The following PHF24 variants were observed in gnomAD, a reference collection of about 807,000 sequenced individuals.
The protein encoded by PHF24 is Galpha inhibitory interacting protein.
A neutral mutation model predicts 42.6 loss-of-function variants in PHF24; 25 were observed. That is an observed-to-expected ratio of 0.59 (90% CI 0.43 to 0.82). PHF24 has a LOEUF of 0.82. PHF24 is among the 40% of genes least tolerant of loss of function. The pLI is 0.00. For missense variants in PHF24, 470 were observed against 538.1 expected, an observed-to-expected ratio of 0.87 and a Z score of 1.25; for synonymous variants, 185 against 204.8, an observed-to-expected ratio of 0.90 and a Z score of 0.83.
At chr9:34,750,786 A>T in the PHF24 span, among the ~76,000 whole-genome samples, 1 of 152,116 alleles carries the variant, frequency 6.6e-6, no homozygotes, top group Non-Finnish European at 1.5e-5. Flanking sequence ...AAGAAGGGAA[A>T]AAAGGAAGAC....
At chr9:34,791,671 T>C in the PHF24 span, among the ~76,000 whole-genome samples, 1 of 151,842 alleles carries the variant, frequency 6.6e-6, no homozygotes, top group African/African-American at 2.4e-5. Context: ...GAGCAGTTGA[T>C]AGAGAAAGAA....
chr9:34,765,850 T>C, the PHF24 span, among the ~76,000 whole-genome samples: 700 of 152,186 alleles, frequency 4.6e-3, 9 homozygotes, highest in African/African-American at 0.016. Context: ...GGTTGTTCCT[T>C]TCCATGTTTA....
intron 1 of PHF24, among the ~76,000 whole-genome samples, chr9:34,969,081 GA>G (rs902114464): frequency 6.6e-6 from 1 of 152,158 alleles, no homozygotes; most frequent in African/African-American, 2.4e-5. Flanking sequence ...AATAAAGACT[GA>G]AATAAGGCCA....
At chr9:34,899,591 C>A in the PHF24 span, among the ~76,000 whole-genome samples, 1 of 152,190 alleles carries the variant, frequency 6.6e-6, no homozygotes, top group Non-Finnish European at 1.5e-5. Context: ...TATAGATGAG[C>A]ACGTTCATTA....
At chr9:34,943,245 T>C in the PHF24 span, among the ~76,000 whole-genome samples, 1,924 of 152,314 alleles carry the variant, frequency 0.013, 44 homozygotes, top group African/African-American at 0.044. Context: ...ATATTGTTTG[T>C]TTACTCTCTT....
At chr9:34,783,495 C>T in the PHF24 span, among the ~76,000 whole-genome samples, 2 of 152,102 alleles carry the variant, frequency 1.3e-5, no homozygotes, top group African/African-American at 4.8e-5. Flanking sequence ...TAGCCCTTAC[C>T]CTATCCTAAT....
chr9:34,859,574 G>T, the PHF24 span, among the ~76,000 whole-genome samples: 1 of 151,916 alleles, frequency 6.6e-6, no homozygotes, highest in Non-Finnish European at 1.5e-5. Context: ...GGTTATTTTT[G>T]ATGTTTCTGT....
the PHF24 span, chr9:34,725,934 G>C: frequency 6.4e-7 from 1 of 1,551,156 alleles, no homozygotes; most frequent in African/African-American, 1.4e-5. Flanking sequence ...AGAGAAGGGA[G>C]CCCACAGAAT....
At chr9:34,957,387 C>T (rs1271197347), upstream of PHF24, among the ~76,000 whole-genome samples, 1 of 152,212 alleles carries the variant, frequency 6.6e-6, no homozygotes, top group Non-Finnish European at 1.5e-5. Flanking sequence ...TGCATATCTT[C>T]AATTTTTCCT....
the PHF24 span, among the ~76,000 whole-genome samples, chr9:34,668,292 A>G: frequency 1.3e-5 from 2 of 152,312 alleles, no homozygotes; most frequent in East Asian, 3.9e-4. Flanking sequence ...GACAGAGCCT[A>G]TAAAGAGAAG....
the PHF24 span, among the ~76,000 whole-genome samples, chr9:34,776,637 G>A: frequency 6.6e-6 from 1 of 152,100 alleles, no homozygotes; most frequent in African/African-American, 2.4e-5. Context: ...GAATTCTCTT[G>A]TATCTCACTG....
the PHF24 span, among the ~76,000 whole-genome samples, chr9:34,933,782 A>AT: frequency 1.3e-5 from 2 of 150,004 alleles, no homozygotes; most frequent in Non-Finnish European, 3.0e-5. Context: ...GAGTTTATTA[A>AT]TTTTTTTTTG....
At chr9:34,815,934 T>G in the PHF24 span, among the ~76,000 whole-genome samples, 8 of 152,166 alleles carry the variant, frequency 5.3e-5, no homozygotes, top group Non-Finnish European at 1.2e-4. Flanking sequence ...CACTATTTGA[T>G]GAACTAGAGC....
chr9:34,941,539 C>G, the PHF24 span, among the ~76,000 whole-genome samples: 9,793 of 152,236 alleles, frequency 0.064, 373 homozygotes, highest in East Asian at 0.1. Flanking sequence ...ACCACTGGCC[C>G]TTTGTCTCAG....
intron 6 of PHF24, 26 bp downstream of exon 6, chr9:34,977,269 C>T: frequency 6.4e-7 from 1 of 1,559,978 alleles, no homozygotes; most frequent in South Asian, 1.2e-5. Flanking sequence ...GTCCTGGTCC[C>T]CACTCAGCCT....
chr9:34,708,035 G>T, the PHF24 span, among the ~76,000 whole-genome samples: 2 of 152,062 alleles, frequency 1.3e-5, no homozygotes, highest in African/African-American at 4.8e-5. Flanking sequence ...CGGCCTTGAG[G>T]TTCCTACCTT....
the PHF24 span, among the ~76,000 whole-genome samples, chr9:34,905,187 G>A: frequency 1.3e-5 from 2 of 152,152 alleles, no homozygotes; most frequent in African/African-American, 4.8e-5. Flanking sequence ...CTGGCTCCTG[G>A]TTCTGATTCC....
At chr9:34,753,778 G>T in the PHF24 span, among the ~76,000 whole-genome samples, 1 of 152,226 alleles carries the variant, frequency 6.6e-6, no homozygotes, top group Admixed American at 6.5e-5. Flanking sequence ...CATGGTACTG[G>T]CATAAAAACA....
chr9:34,738,469 G>C, the PHF24 span, among the ~76,000 whole-genome samples: 2 of 152,096 alleles, frequency 1.3e-5, no homozygotes, highest in African/African-American at 2.4e-5. Context: ...TCCTGCCTCA[G>C]CCTCCTGAGT....
Sources: gnomAD v4.1 joint callset for allele counts (sites outside exome capture counted in the v4.1 genomes callset) on GRCh38, gnomAD v4.1.1 for gene constraint, MANE v1.5 for transcripts, NCBI Gene and HGNC (gene_info 2026-07-23, HGNC 2026-07-21) for gene names.